Variants in SLCO3A1 observed in about 807,000 individuals in gnomAD.
SLCO3A1 encodes the protein solute carrier organic anion transporter family member 3A1, also known as PGE1 transporter.
Under a neutral mutation model 63.1 loss-of-function variants are expected in SLCO3A1, and 27 were observed. The observed-to-expected ratio is 0.43, with a 90% CI of 0.32 to 0.59. SLCO3A1 has a LOEUF of 0.59. Ranked by LOEUF, SLCO3A1 falls within the 20% of genes least tolerant of loss-of-function variation. SLCO3A1 has a pLI of 0.09. For missense variants in SLCO3A1, 773 were observed against 945.8 expected (o/e 0.82, Z 2.40); for synonymous variants, 473 against 409.9 (o/e 1.15, Z -1.86).
At chr15:92,063,999 C>T (rs1430100766) in intron 2 of SLCO3A1, among the ~76,000 whole-genome samples, 1 of 152,194 alleles carries the variant, frequency 6.6e-6, no homozygotes, top group African/African-American at 2.4e-5. Context: ...ATGGGATGAA[C>T]ACAGTTTAGG....
chr15:91,873,102 C>G (rs569681932), intron 1 of SLCO3A1, among the ~76,000 whole-genome samples: 1 of 152,290 alleles, frequency 6.6e-6, no homozygotes, highest in African/African-American at 2.4e-5. Context: ...AACAGACACT[C>G]TAATTAGTGT....
rs1423909644 is a variant in SLCO3A1, at chr15:91,883,965, C to T, written c.180+29877C>T. Among the ~76,000 whole-genome samples, 1 of 152,168 alleles carries T rather than the reference C, an allele frequency of 6.6e-6. No individual in the cohort carries two copies. The highest frequency in any genetic ancestry group is 1.5e-5 in the Non-Finnish European group (1 of 68,040). ...AGTTTCAGACCAAGGTCTGGCCTGA[C>T]TGGAAAGCTTTATCACCATAGCATC... On this transcript the variant is annotated intron_variant, in intron 1 of 9. Transcript: ENST00000318445. This position sits in a 1 kb window ranked among gnomAD's most constrained non-coding sequence, Gnocchi z 4.8.
intron 1 of SLCO3A1, among the ~76,000 whole-genome samples, chr15:91,880,393 C>CTGTGTGTGTGTG (rs1312987837): frequency 6.9e-4 from 31 of 44,710 alleles, no homozygotes; most frequent in African/African-American, 1.7e-3. Flanking sequence ...CTCTCTCTCT[C>CTGTGTGTGTGTG]TCTCTCTCTC....
At chr15:91,971,153 C>T (rs529168957) in intron 2 of SLCO3A1, among the ~76,000 whole-genome samples, 91 of 151,932 alleles carry the variant, frequency 6.0e-4, no homozygotes, top group African/African-American at 2.1e-3. Flanking sequence ...CTTAGCACTT[C>T]GGGAGGCCGA....
intron 2 of SLCO3A1, among the ~76,000 whole-genome samples, chr15:91,922,076 G>A (rs1898866828): frequency 1.3e-5 from 2 of 152,186 alleles, no homozygotes; most frequent in South Asian, 2.1e-4. Flanking sequence ...GTGTGTCTGT[G>A]TATAGTTCTG....
chr15:92,105,226 A>T (rs139289615), intron 4 of SLCO3A1, among the ~76,000 whole-genome samples: 3 of 152,086 alleles, frequency 2.0e-5, no homozygotes, highest in African/African-American at 7.2e-5. Context: ...GTGAGCCAAG[A>T]TTGAGCCACT....
chr15:92,030,927 T>A (rs2046639326), intron 2 of SLCO3A1, among the ~76,000 whole-genome samples: 1 of 150,698 alleles, frequency 6.6e-6, no homozygotes, highest in Admixed American at 6.7e-5. Flanking sequence ...GAGTTCCCAT[T>A]TTGTTCTTAA....
At chr15:92,080,937 G>GGTGT (rs746523979) in intron 2 of SLCO3A1, among the ~76,000 whole-genome samples, 46 of 78,114 alleles carry the variant, frequency 5.9e-4, no homozygotes, top group Non-Finnish European at 1.1e-3. Flanking sequence ...ATACATAGTA[G>GGTGT]CTGTGTGTGT....
rs114700086 is a variant in SLCO3A1, at chr15:91,974,577, A to G, written c.646+58119A>G. 1.6e-3 allele frequency among the ~76,000 whole-genome samples: 235 copies of G among 151,358 alleles called. 2 individuals are homozygous for G. Among genetic ancestry groups the G allele is most frequent in the African/African-American group, 5.5e-3 (228 of 41,208 alleles). On this transcript the variant is annotated intron_variant, in intron 2 of 9. Transcript: ENST00000318445. The stretch of plus-strand genomic sequence containing the variant: ...GTAAAAGGTGCCAGCGGGCAGAGCC[A>G]GGCAGGGTAGGCGTGTGCTGTGGGC...
chr15:92,157,493 T>A (rs1348541717), intron 9 of SLCO3A1, among the ~76,000 whole-genome samples: 2 of 103,294 alleles, frequency 1.9e-5, no homozygotes, highest in East Asian at 2.1e-4. Flanking sequence ...TGTGGAGAAA[T>A]TTTTTTTTTT....
intron 2 of SLCO3A1, among the ~76,000 whole-genome samples, chr15:92,007,468 T>C (rs1421178252): frequency 6.6e-6 from 1 of 152,148 alleles, no homozygotes; most frequent in East Asian, 1.9e-4. Context: ...ATGTCAGATG[T>C]TGTTTTGGGG....
At chr15:92,128,670 A>C (rs185317061) in intron 7 of SLCO3A1, among the ~76,000 whole-genome samples, 181 bp downstream of exon 7, 1 of 152,272 alleles carries the variant, frequency 6.6e-6, no homozygotes, top group East Asian at 1.9e-4. Flanking sequence ...TGCTAAATCA[A>C]GTGGGTTTGT....
intron 7 of SLCO3A1, 120 bp from the exon 8 acceptor site, chr15:92,146,864 C>A: frequency 1.1e-6 from 1 of 880,248 alleles, no homozygotes. Flanking sequence ...TTATTCAGGC[C>A]TAATTAATGG....
rs1253734509 is a variant in SLCO3A1, at chr15:92,000,981, G to C, written c.646+84523G>C. On this transcript the variant is annotated intron_variant, in intron 2 of 9. Coordinates refer to ENST00000318445, the MANE Select transcript of SLCO3A1 (RefSeq NM_013272.4). ...GAGGACTGTCATCGAGAGCAAGGCTGATCAGTCTGTCTATCTTTGTCTCTG... is the reference window on the plus strand; with the variant it reads ...GAGGACTGTCATCGAGAGCAAGGCTCATCAGTCTGTCTATCTTTGTCTCTG... 4.6e-5 allele frequency among the ~76,000 whole-genome samples: 7 copies of C among 152,194 alleles called. No homozygotes were observed. In the East Asian group the frequency reaches 1.4e-3, roughly 29 times the overall value.
intron 2 of SLCO3A1, among the ~76,000 whole-genome samples, chr15:92,027,566 GCTCT>G (rs773546728): frequency 6.6e-6 from 1 of 152,218 alleles, no homozygotes; most frequent in Admixed American, 6.5e-5. Flanking sequence ...GCACCGCAGT[GCTCT>G]CTAAGGACTT....
At chr15:91,907,296 C>T (rs1421719865) in intron 1 of SLCO3A1, among the ~76,000 whole-genome samples, 1 of 151,582 alleles carries the variant, frequency 6.6e-6, no homozygotes, top group Non-Finnish European at 1.5e-5. Flanking sequence ...ACCTCTGCCA[C>T]TGGGGTTCAA....
At chr15:92,084,739 C>T (rs901266306) in intron 2 of SLCO3A1, among the ~76,000 whole-genome samples, 3 of 152,230 alleles carry the variant, frequency 2.0e-5, no homozygotes, top group Non-Finnish European at 4.4e-5. Context: ...CACCCAGCCC[C>T]ACAGGCTGTT....
chr15:92,078,902 C>T (rs1030430034), intron 2 of SLCO3A1, among the ~76,000 whole-genome samples: 1 of 152,232 alleles, frequency 6.6e-6, no homozygotes, highest in Non-Finnish European at 1.5e-5. Context: ...TCTGGCCCTA[C>T]GCTATGAATG....
At chr15:92,114,774 G>A (rs890192693) in intron 4 of SLCO3A1, among the ~76,000 whole-genome samples, 2 of 152,096 alleles carry the variant, frequency 1.3e-5, no homozygotes, top group Non-Finnish European at 2.9e-5. Context: ...AACTTTTATA[G>A]ATTCAAGTCC....
Sources: gnomAD v4.1 joint callset for allele counts (sites outside exome capture counted in the v4.1 genomes callset) on GRCh38, gnomAD v4.1.1 for gene constraint, Gnocchi (gnomAD v3.1) non-coding constraint, MANE v1.5 for transcripts, NCBI Gene and HGNC (gene_info 2026-07-23, HGNC 2026-07-21) for gene names.